The following ATAD1 variants were observed in gnomAD, a reference collection of about 807,000 sequenced individuals.
ATAD1 encodes outer mitochondrial transmembrane helix translocase.
Under a neutral mutation model 42.7 loss-of-function variants are expected in ATAD1, and 18 were observed. The ratio of observed to expected loss-of-function variants is 0.42; its 90% CI spans 0.29 to 0.63. ATAD1 has a LOEUF of 0.63. ATAD1 is among the 20% of genes least tolerant of loss of function. The pLI is 0.19. For missense variants in ATAD1, 294 were observed against 440.4 expected (o/e 0.67, Z 2.98); for synonymous variants, 132 against 143.1 (o/e 0.92, Z 0.55).
At chr10:87,814,670 G>T in intron 1 of ATAD1, 58 bp from the exon 2 acceptor site, 1 of 1,273,136 alleles carries the variant, frequency 7.9e-7, no homozygotes, top group Non-Finnish European at 1.0e-6. Flanking sequence ...AAAATTGTAA[G>T]ACTAACAAAG....
intron 7 of ATAD1, among the ~76,000 whole-genome samples, chr10:87,769,040 T>C (rs1242016897): frequency 6.6e-6 from 1 of 152,166 alleles, no homozygotes; most frequent in East Asian, 1.9e-4. Context: ...TAATTTATAA[T>C]TGTACGGCTG....
At chr10:87,782,628 C>T (rs959736092) in intron 5 of ATAD1, among the ~76,000 whole-genome samples, 16 of 152,002 alleles carry the variant, frequency 1.1e-4, no homozygotes, top group African/African-American at 2.4e-4. Flanking sequence ...AGTAAAAGAA[C>T]GTATAACTTC....
intron 1 of ATAD1, among the ~76,000 whole-genome samples, chr10:87,829,467 G>T (rs1193567345): frequency 6.6e-6 from 1 of 152,024 alleles, no homozygotes; most frequent in African/African-American, 2.4e-5. Context: ...TGTTGGCCAG[G>T]ATGGTCTTGA....
intron 5 of ATAD1, among the ~76,000 whole-genome samples, chr10:87,778,029 A>G (rs933818780): frequency 6.6e-6 from 1 of 152,044 alleles, no homozygotes; most frequent in Non-Finnish European, 1.5e-5. Context: ...TGCCTACTTA[A>G]TCTTCCTAAT....
At chr10:87,815,699 A>C (rs1236315514) in intron 1 of ATAD1, among the ~76,000 whole-genome samples, 3 of 151,952 alleles carry the variant, frequency 2.0e-5, no homozygotes, top group Non-Finnish European at 2.9e-5. Flanking sequence ...AGCTCCAAAA[A>C]TTTTTTATTT....
chr10:87,786,603 A>G (rs1288009196), intron 4 of ATAD1, among the ~76,000 whole-genome samples: 1 of 152,248 alleles, frequency 6.6e-6, no homozygotes, highest in African/African-American at 2.4e-5. Context: ...CAAGCTGTCA[A>G]TATTCCCTTC....
intron 2 of ATAD1, among the ~76,000 whole-genome samples, chr10:87,810,490 T>TTA (rs1393199757): frequency 6.6e-6 from 1 of 152,134 alleles, no homozygotes; most frequent in African/African-American, 2.4e-5. Context: ...TTCCCTGTAG[T>TTA]TATATCATAT....
chr10:87,752,830 T>C lies in ATAD1; in HGVS notation c.*1857A>G, dbSNP rs1050385525. Reference sequence around the variant, plus strand: ...TTTGATGATTAAAACCACGAAGAAATTGAATAACCACTCCTACTGGATATT... The same window carrying C: ...TTTGATGATTAAAACCACGAAGAAACTGAATAACCACTCCTACTGGATATT... On this transcript the variant is annotated 3_prime_UTR_variant, in exon 10 of 10. Coordinates refer to ENST00000680024, the MANE Select transcript of ATAD1 (RefSeq NM_001321967.2). 3 of 152,050 alleles carry C rather than the reference T, an allele frequency of 2.0e-5. No homozygotes were observed. In the East Asian group the frequency reaches 5.8e-4, roughly 29 times the overall value. 9.4% of individuals were successfully genotyped at this position (152,050 alleles called of 1,614,324 possible).
intron 5 of ATAD1, among the ~76,000 whole-genome samples, chr10:87,782,251 T>C (rs1040115356): frequency 6.6e-6 from 1 of 152,218 alleles, no homozygotes; most frequent in Admixed American, 6.5e-5. Context: ...CTGAATGTGA[T>C]TCTGTATCAT....
intron 3 of ATAD1, among the ~76,000 whole-genome samples, chr10:87,790,923 G>A (rs572516203): frequency 4.0e-5 from 6 of 150,368 alleles, no homozygotes; most frequent in Admixed American, 1.3e-4. Context: ...GGTCGCTCAC[G>A]CCTGTAATCC....
intron 8 of ATAD1, among the ~76,000 whole-genome samples, chr10:87,764,608 ATAT>A (rs1230912317): frequency 1.3e-5 from 2 of 152,228 alleles, no homozygotes; most frequent in African/African-American, 4.8e-5. Flanking sequence ...AGCCACTGAG[ATAT>A]TATGTTTCTC....
At chr10:87,827,446 C>T in intron 1 of ATAD1, among the ~76,000 whole-genome samples, 1 of 152,174 alleles carries the variant, frequency 6.6e-6, no homozygotes, top group African/African-American at 2.4e-5. Flanking sequence ...TGTGGCAACC[C>T]TGCATCTAGC....
intron 1 of ATAD1, among the ~76,000 whole-genome samples, chr10:87,826,651 C>T (rs1857735536): frequency 6.6e-6 from 1 of 152,224 alleles, no homozygotes; most frequent in South Asian, 2.1e-4. Flanking sequence ...ATCACTTAAT[C>T]CTACTTATGT....
intron 1 of ATAD1, among the ~76,000 whole-genome samples, chr10:87,837,315 G>A (rs1264891738): frequency 6.6e-6 from 1 of 152,146 alleles, no homozygotes; most frequent in Non-Finnish European, 1.5e-5. Flanking sequence ...ATCTGTTTTG[G>A]TTCAAGTCAA....
At chr10:87,759,891 G>T in intron 8 of ATAD1, 1 of 284,818 alleles carries the variant, frequency 3.5e-6, no homozygotes, top group Non-Finnish European at 7.3e-6. Flanking sequence ...TCTAAAAGTA[G>T]CTCATTTTGT....
At chr10:87,770,382 A>C (rs1854973626) in intron 7 of ATAD1, among the ~76,000 whole-genome samples, 1 of 152,228 alleles carries the variant, frequency 6.6e-6, no homozygotes, top group East Asian at 1.9e-4. Flanking sequence ...GGTAAGTCAT[A>C]ATCATCTACT....
intron 1 of ATAD1, among the ~76,000 whole-genome samples, chr10:87,824,049 AG>A (rs1857679885): frequency 6.7e-6 from 1 of 150,294 alleles, no homozygotes; most frequent in East Asian, 1.9e-4. Context: ...GCACTGGCAT[AG>A]TACTCAGCTC....
At chr10:87,783,371 T>TAA (rs764505966) in intron 5 of ATAD1, among the ~76,000 whole-genome samples, 1 of 144,868 alleles carries the variant, frequency 6.9e-6, no homozygotes, top group Non-Finnish European at 1.5e-5. Flanking sequence ...GATGCTGTCT[T>TAA]AAAAAAAAAC....
At chr10:87,813,979 A>AT (rs1292733071) in intron 2 of ATAD1, among the ~76,000 whole-genome samples, 1 of 152,118 alleles carries the variant, frequency 6.6e-6, no homozygotes, top group Non-Finnish European at 1.5e-5. Flanking sequence ...ACTACAGCTT[A>AT]TATTAATAAT....
Sources: allele counts gnomAD v4.1 joint callset (sites outside exome capture counted in the v4.1 genomes callset), GRCh38; gene constraint gnomAD v4.1.1; transcripts MANE v1.5; gene names NCBI Gene and HGNC (gene_info 2026-07-23, HGNC 2026-07-21).